The following COPS4 variants were observed in gnomAD, a reference collection of about 807,000 sequenced individuals.
The protein encoded by COPS4 is COP9 signalosome complex subunit 4.
In COPS4, 8 loss-of-function variants were observed where a neutral mutation model predicts 55.1. The ratio of observed to expected loss-of-function variants is 0.15; its 90% CI spans 0.09 to 0.26. COPS4 has a LOEUF of 0.26. COPS4 is among the 10% of genes least tolerant of loss of function. COPS4 has a pLI of 1.00. For synonymous variants in COPS4, 185 were observed against 165.7 expected, an observed-to-expected ratio of 1.12 and a Z score of -0.90; for missense variants, 248 against 484.0, an observed-to-expected ratio of 0.51 and a Z score of 4.58.
In COPS4 at chr4:83,047,572, T is replaced by C. The variant is rs190390455; in HGVS notation, c.155-1594T>C. 4.1e-4 allele frequency among the ~76,000 whole-genome samples: 62 copies of C among 152,022 alleles called. 1 individual carries two copies. In the East Asian group the frequency reaches 0.012, roughly 28 times the overall value. ...CTCAAAAAAACAATTAAAAAACATA[T>C]ATATATATATTTTTTGATCTTTGTA... is the stretch of plus-strand genomic sequence containing the variant. On this transcript the variant is annotated intron_variant, in intron 2 of 9. Transcript: ENST00000264389.
chr4:83,039,321 A>T (rs572622619), intron 1 of COPS4, among the ~76,000 whole-genome samples: 1 of 152,270 alleles, frequency 6.6e-6, no homozygotes, highest in Non-Finnish European at 1.5e-5. Context: ...GAGCCTGTTC[A>T]TGTGACAGCA....
chr4:83,053,717 G>C (rs764123011), intron 4 of COPS4, among the ~76,000 whole-genome samples: 33 of 151,596 alleles, frequency 2.2e-4, no homozygotes, highest in Non-Finnish European at 4.1e-4. Flanking sequence ...TCATGTGCCT[G>C]TAATCCCAGC....
intron 6 of COPS4, among the ~76,000 whole-genome samples, chr4:83,061,213 T>G (rs1404853383): frequency 6.6e-6 from 1 of 152,086 alleles, no homozygotes; most frequent in African/African-American, 2.4e-5. Flanking sequence ...GTTGGTATGA[T>G]ATGTACACAG....
At chr4:83,058,233 T>A (rs759836936) in intron 6 of COPS4, among the ~76,000 whole-genome samples, 26 of 152,176 alleles carry the variant, frequency 1.7e-4, no homozygotes, top group Non-Finnish European at 3.2e-4. Context: ...TTCTAAACCA[T>A]AGCTTTTCTT....
chr4:83,065,160 G>A, intron 7 of COPS4: 3 of 528,370 alleles, frequency 5.7e-6, no homozygotes, highest in Non-Finnish European at 1.0e-5. Context: ...ATAGGGGTAA[G>A]CCACTGCACC....
At chr4:83,045,361 C>CTTG (rs1730680383) in intron 1 of COPS4, among the ~76,000 whole-genome samples, 1 of 152,048 alleles carries the variant, frequency 6.6e-6, no homozygotes, top group Non-Finnish European at 1.5e-5. Context: ...TTCATTCTTT[C>CTTG]TTGTGATGAG....
intron 1 of COPS4, among the ~76,000 whole-genome samples, chr4:83,045,024 G>A (rs1351914482): frequency 6.6e-6 from 1 of 152,186 alleles, no homozygotes; most frequent in African/African-American, 2.4e-5. Flanking sequence ...AATAGGTACT[G>A]TCTGACAGCA....
In COPS4 at chr4:83,049,894, G is replaced by A; in HGVS notation, c.320G>A (p.Arg107Lys). Residue 107 changes from arginine (R) to lysine (K), a missense_variant, in exon 4 of 10, where the codon AGA becomes AAA. Coordinates refer to ENST00000264389, the MANE Select transcript of COPS4 (RefSeq NM_016129.3). ...ISFEEQVASI[R>K]QHLASIYEKE... The stretch of plus-strand genomic sequence containing the variant: ...CTATTATTCCAGGTTGCTTCCATAA[G>A]ACAGCATCTTGCATCTATATATGAG... 1 of 1,604,348 alleles carries A rather than the reference G, an allele frequency of 6.2e-7. No homozygotes were observed. The highest frequency in any genetic ancestry group is 8.5e-7 in the Non-Finnish European group (1 of 1,175,596).
intron 4 of COPS4, among the ~76,000 whole-genome samples, chr4:83,054,715 T>C (rs749723727): frequency 3.9e-5 from 6 of 152,186 alleles, no homozygotes; most frequent in Non-Finnish European, 7.4e-5. Context: ...GAAACAAATA[T>C]AAAATTAGAT....
chr4:83,038,704 C>T (rs936350867), intron 1 of COPS4, among the ~76,000 whole-genome samples: 5 of 152,074 alleles, frequency 3.3e-5, no homozygotes, highest in African/African-American at 9.7e-5. Flanking sequence ...TGCAGTGGCG[C>T]GATCTCGGCT....
At chr4:83,062,725 G>A (rs1018341786) in intron 6 of COPS4, among the ~76,000 whole-genome samples, 7 of 152,176 alleles carry the variant, frequency 4.6e-5, no homozygotes, top group African/African-American at 1.7e-4. Flanking sequence ...CTTCATTTAA[G>A]TATGATTTAT....
At chr4:83,062,471 A>G (rs1340607637) in intron 6 of COPS4, among the ~76,000 whole-genome samples, 1 of 152,238 alleles carries the variant, frequency 6.6e-6, no homozygotes, top group Non-Finnish European at 1.5e-5. Context: ...CAGGGTGGAA[A>G]AACATTTGAA....
chr4:83,061,127 T>C (rs1361555380), intron 6 of COPS4, among the ~76,000 whole-genome samples: 2 of 152,148 alleles, frequency 1.3e-5, no homozygotes, highest in Non-Finnish European at 2.9e-5. Context: ...TCTATTCTTC[T>C]GCATGAACTT....
intron 9 of COPS4, among the ~76,000 whole-genome samples, chr4:83,069,995 C>T (rs888142690): frequency 6.6e-6 from 1 of 152,168 alleles, no homozygotes; most frequent in Non-Finnish European, 1.5e-5. Context: ...CAGGACTCCT[C>T]CATTTTAATG....
chr4:83,072,997 C>T (rs112090001), intron 9 of COPS4, among the ~76,000 whole-genome samples: 300 of 152,098 alleles, frequency 2.0e-3, no homozygotes, highest in Non-Finnish European at 2.1e-3. Context: ...GGCAACATAA[C>T]GAGACCCCAT....
chr4:83,060,400 G>A (rs1478165577), intron 6 of COPS4, among the ~76,000 whole-genome samples: 3 of 150,758 alleles, frequency 2.0e-5, no homozygotes, highest in Non-Finnish European at 4.4e-5. Context: ...CCAGGCTGGA[G>A]TGCAGTGGCA....
At chr4:83,056,898 CATT>C (rs779234925) in intron 4 of COPS4, 25 bp from the exon 5 acceptor site, 1 of 1,535,038 alleles carries the variant, frequency 6.5e-7, no homozygotes, top group Admixed American at 2.0e-5. Flanking sequence ...AATGTTGAGT[CATT>C]ATGTGTTTTT....
intron 9 of COPS4, 35 bp downstream of exon 9, chr4:83,068,557 T>G: frequency 7.7e-7 from 1 of 1,307,028 alleles, no homozygotes; most frequent in Non-Finnish European, 1.1e-6. Context: ...CATAATGAAA[T>G]AGCAGTGAAC....
At chr4:83,056,834 A>G in intron 4 of COPS4, 92 bp from the exon 5 acceptor site, 3 of 1,081,588 alleles carry the variant, frequency 2.8e-6, no homozygotes, top group Non-Finnish European at 4.1e-6. Context: ...GTACCAGAAT[A>G]TATATCAGGA....
Sources: allele counts gnomAD v4.1 joint callset (sites outside exome capture counted in the v4.1 genomes callset), GRCh38; gene constraint gnomAD v4.1.1; transcripts MANE v1.5; gene names NCBI Gene and HGNC (gene_info 2026-07-23, HGNC 2026-07-21).